ANKLE2: variants seen among roughly 807,000 people sequenced by gnomAD.
ANKLE2 encodes the protein ankyrin repeat and LEM domain containing 2.
In ANKLE2, 55 loss-of-function variants were observed where a neutral mutation model predicts 84.2. The observed-to-expected ratio is 0.65, with a 90% CI of 0.53 to 0.82. The LOEUF (loss-of-function observed/expected upper bound fraction) is 0.82, where lower values mean the gene tolerates loss of function less well. Among genes scored for constraint, ANKLE2 ranks in the 40% least tolerant of loss-of-function variants. The pLI, the probability that ANKLE2 is intolerant of heterozygous loss-of-function variation, is 0.00. For missense variants in ANKLE2, 1,238 were observed against 1,201.9 expected (o/e 1.03, Z -0.44); for synonymous variants, 551 against 486.1 (o/e 1.13, Z -1.76).
chr12:132,730,283 C>G lies in ANKLE2; in HGVS notation c.1892-13G>C, dbSNP rs370694893. 6 of 1,544,248 alleles carry G rather than the reference C, an allele frequency of 3.9e-6. No homozygotes were observed. The highest frequency in any genetic ancestry group is 1.2e-5 in the South Asian group (1 of 81,534). ...ATGGAATTGCTGCCTGTGAGGACAA[C>G]AAGGAGCACTTCAGTGATGGGAACG... On this transcript the variant is annotated splice_polypyrimidine_tract_variant and intron_variant, in intron 10 of 12. Transcript: ENST00000357997.
chr12:132,748,012 G>A lies in ANKLE2; in HGVS notation c.1050C>T (p.Cys350=), dbSNP rs761594315. The change falls in exon 5 of 13, where the codon TGC becomes TGT. Residue 350 remains cysteine (C), a synonymous_variant. Transcript: ENST00000357997. ...CAGCAACATGCATCACGTTGTACCTGCACCCTTCCTGAAAGAGAACCGCAT... is the reference window on the plus strand; with the variant it reads ...CAGCAACATGCATCACGTTGTACCTACACCCTTCCTGAAAGAGAACCGCAT... ...GDNPTIVQEG[C]RYNVMHVAAK... 1 of 1,598,834 alleles carries A rather than the reference G, an allele frequency of 6.3e-7. No homozygotes were observed. Among genetic ancestry groups the A allele is most frequent in the South Asian group, 1.1e-5 (1 of 89,978 alleles).
At chr12:132,741,357 C>T (rs558325176) in intron 7 of ANKLE2, 62 bp downstream of exon 7, 2 of 1,548,780 alleles carry the variant, frequency 1.3e-6, no homozygotes, top group South Asian at 2.2e-5. Flanking sequence ...CTGTGTCCCC[C>T]AACGCTCCAA....
intron 7 of ANKLE2, chr12:132,737,499 G>C (rs1346487993): frequency 6.5e-6 from 1 of 153,370 alleles, no homozygotes; most frequent in Non-Finnish European, 1.5e-5. Flanking sequence ...TGGATCACCT[G>C]AGGTCAGAAG....
At chr12:132,750,244 G>GGGTGT (rs2136166275) in intron 3 of ANKLE2, among the ~76,000 whole-genome samples, 1 of 151,122 alleles carries the variant, frequency 6.6e-6, no homozygotes, top group East Asian at 1.9e-4. Flanking sequence ...TAAATTAGCT[G>GGGTGT]GGTGTGGTGG....
rs370463941 is a variant in ANKLE2, at chr12:132,728,232, C to CT, written c.2484-70dup. 8.5e-3 allele frequency: 11,524 copies of CT among 1,349,508 alleles called. 31 individuals are homozygous for CT. The highest frequency in any genetic ancestry group is 0.042 in the African/African-American group (2,809 of 67,310). The allele number at this position is 1,349,508 out of a possible 1,614,324, so 83.6% of individuals were successfully genotyped here. On this transcript the variant is annotated intron_variant, in intron 11 of 12. Transcript: ENST00000357997. ...CATAAAGACTTCTAAAATACCACTA[C>CT]TTTTTTTTTTATTTTGAGACGGAGT...
chr12:132,727,409 ACTTGAAC>A lies in ANKLE2; in HGVS notation c.2643_2649del (p.Arg881SerfsTer79), dbSNP rs1369727393. ...GGGCCACTGAGATCTGGCAGCTGAGACTTGAACCTTCCTTTCACCGCGGGACTGGGCC... is the reference window on the plus strand; with the variant it reads ...GGGCCACTGAGATCTGGCAGCTGAGACTTCCTTTCACCGCGGGACTGGGCC... On this transcript the variant is annotated frameshift_variant, in exon 13 of 13. Coordinates refer to ENST00000357997, the MANE Select transcript of ANKLE2 (RefSeq NM_015114.3). LOFTEE classifies it low-confidence loss of function (END_TRUNC). 1 of 1,560,850 alleles carries A rather than the reference ACTTGAAC, an allele frequency of 6.4e-7. No homozygotes were observed. The highest frequency in any genetic ancestry group is 1.4e-5 in the African/African-American group (1 of 73,940).
chr12:132,738,732 G>A (rs2044063694), intron 7 of ANKLE2: 1 of 152,004 alleles, frequency 6.6e-6, no homozygotes, highest in Non-Finnish European at 1.5e-5. Context: ...CACCGTGTTA[G>A]CCAGGATGGT....
At position 132,755,561 on chromosome 12, in the gene ANKLE2, A is replaced by AT. The variant is rs201823627; in HGVS notation, c.182-429dup. ...ACTCCAGCTCAAAAAAAAAAAAAGA[A>AT]TTTTTCTTTTTTTTTTCGAGATGGT... On this transcript the variant is annotated intron_variant, in intron 1 of 12. Transcript: ENST00000357997. 2.2e-3 allele frequency: 323 copies of AT among 147,280 alleles called. 2 individuals carry two copies. Among genetic ancestry groups the AT allele is most frequent in the East Asian group, 0.012 (60 of 5,044 alleles). The allele number at this position is 147,280 out of a possible 1,614,324, so 9.1% of individuals were successfully genotyped here.
At chr12:132,752,605 G>A (rs1024226811) in intron 2 of ANKLE2, among the ~76,000 whole-genome samples, 37 of 152,114 alleles carry the variant, frequency 2.4e-4, no homozygotes, top group African/African-American at 7.5e-4. Flanking sequence ...TCCTGACCTC[G>A]TGATCTGCCT....
chr12:132,747,781 G>A (rs781287957), intron 5 of ANKLE2, 51 bp downstream of exon 5: 7 of 1,562,072 alleles, frequency 4.5e-6, no homozygotes, highest in Admixed American at 2.3e-5. Flanking sequence ...TTTGGGGAAA[G>A]ACTTTTAACC....
intron 1 of ANKLE2, chr12:132,758,415 C>T (rs1023534753): frequency 2.0e-5 from 3 of 151,906 alleles, no homozygotes; most frequent in African/African-American, 7.3e-5. Flanking sequence ...AACCCGCGGA[C>T]GTCGCATTGA....
rs1566019177 is a variant in ANKLE2, at chr12:132,736,972, TGA to T, written c.1512_1513del (p.His505ArgfsTer58). On this transcript the variant is annotated frameshift_variant, in exon 8 of 13. Coordinates refer to ENST00000357997, the MANE Select transcript of ANKLE2 (RefSeq NM_015114.3). LOFTEE classifies it high-confidence loss of function. Reference sequence around the variant, plus strand: ...GGGGCTGCCTCCATAGCGGCTGACGTGAGAGGCCTCAGCCGTCTGGTCTGGGG... The same window carrying T: ...GGGGCTGCCTCCATAGCGGCTGACGTGAGGCCTCAGCCGTCTGGTCTGGGG... 1 of 1,613,848 alleles carries T rather than the reference TGA, an allele frequency of 6.2e-7. No homozygotes were observed. Among genetic ancestry groups the T allele is most frequent in the Non-Finnish European group, 8.5e-7 (1 of 1,179,898 alleles).
rs372987812 is a variant in ANKLE2 at position 132,729,805 on chromosome 12, C to T, written c.2357G>A (p.Gly786Asp). The T allele has an allele frequency of 2.5e-6, 4 of 1,613,272 alleles. No homozygotes were observed. The highest frequency in any genetic ancestry group is 1.7e-5 in the Admixed American group (1 of 59,964). ...EPSPADQLGN[G>D]HRRTESEMSA... is the part of the protein sequence containing the mutation. ...CATTTCACTTTCTGTCCTCCTGTGG[C>T]CATTCCCGAGTTGGTCTGCGGGAGA... Residue 786 changes from glycine to aspartate, a missense_variant, in exon 11 of 13, where the codon GGC (glycine) becomes GAC (aspartate). Physicochemically the swap from Gly to Asp is moderately conservative, Grantham distance 94. Transcript: ENST00000357997.
intron 9 of ANKLE2, 70 bp downstream of exon 9, chr12:132,735,336 G>A: frequency 1.5e-6 from 2 of 1,373,552 alleles, no homozygotes; most frequent in Non-Finnish European, 1.0e-6. Context: ...GCTGTGATTT[G>A]ACCTTCTGTC....
At chr12:132,728,354 G>A (rs976362128) in intron 11 of ANKLE2, among the ~76,000 whole-genome samples, 191 bp from the exon 12 acceptor site, 10 of 152,034 alleles carry the variant, frequency 6.6e-5, no homozygotes, top group African/African-American at 1.2e-4. Flanking sequence ...TCAGCCTCCC[G>A]AGTAGCTGGG....
In ANKLE2 at chr12:132,743,070, C is replaced by T. The variant is rs1593161595; in HGVS notation, c.1353+84G>A. The T allele has an allele frequency of 4.9e-5, 66 of 1,354,888 alleles. No homozygotes were observed. Among genetic ancestry groups the T allele is most frequent in the Non-Finnish European group, 3.0e-6 (3 of 1,009,138 alleles). 83.9% of individuals were successfully genotyped at this position (1,354,888 alleles called of 1,614,324 possible). On this transcript the variant is annotated intron_variant, in intron 6 of 12. Coordinates refer to ENST00000357997, the MANE Select transcript of ANKLE2 (RefSeq NM_015114.3). The surrounding 1 kb of genome is among the most constrained non-coding windows in gnomAD (Gnocchi z 4.1). ...ACTCATACAGAGCTCCTTGTGGCTT[C>T]CCTGTGCCTGTGATCACAGACTGTA...
At chr12:132,735,595 A>G in intron 8 of ANKLE2, 83 bp from the exon 9 acceptor site, 3 of 1,097,906 alleles carry the variant, frequency 2.7e-6, no homozygotes, top group Non-Finnish European at 4.0e-6. Context: ...TCGTCATCGC[A>G]GTAGCTGCCT....
At chr12:132,753,758 CAAAACAAAAA>C (rs1044713468) in intron 2 of ANKLE2, among the ~76,000 whole-genome samples, 6 of 151,106 alleles carry the variant, frequency 4.0e-5, no homozygotes, top group Non-Finnish European at 7.4e-5. Context: ...CAAAACAAAA[CAAAACAAAAA>C]AAAACCATAA....
rs762158198 is a variant in ANKLE2 at position 132,754,973 on chromosome 12, T to C, written c.342A>G (p.Gly114=). 18 of 1,614,212 alleles carry C rather than the reference T, an allele frequency of 1.1e-5. No individual in the cohort carries two copies. Among genetic ancestry groups the C allele is most frequent in the Non-Finnish European group, 1.5e-5 (18 of 1,180,032 alleles). Reference sequence around the variant, plus strand: ...GGTGGTAGAAAGAAGACAGCCTTCCTCCTTGCTCCAGTAAAGCCTGAGCCA... The same window carrying C: ...GGTGGTAGAAAGAAGACAGCCTTCCCCCTTGCTCCAGTAAAGCCTGAGCCA... The part of the protein sequence containing the change: ...KKLAQALLEQ[G]GRLSSFYHHE... Residue 114 remains glycine (G), a synonymous_variant, in exon 2 of 13, where the codon GGA becomes GGG. Coordinates refer to ENST00000357997, the MANE Select transcript of ANKLE2 (RefSeq NM_015114.3).
Sources: gnomAD v4.1 joint callset for allele counts (sites outside exome capture counted in the v4.1 genomes callset) on GRCh38, gnomAD v4.1.1 for gene constraint, Gnocchi (gnomAD v3.1) non-coding constraint, MANE v1.5 for transcripts, NCBI Gene and HGNC (gene_info 2026-07-23, HGNC 2026-07-21) for gene names.